The following PMEPA1 variants were observed in gnomAD, a reference collection of about 807,000 sequenced individuals.
PMEPA1 encodes prostate transmembrane protein, androgen induced 1.
PMEPA1 carries 11 observed loss-of-function variants against 23.0 expected under a neutral mutation model. That is an observed-to-expected ratio of 0.48 (90% CI 0.30 to 0.79). The LOEUF is 0.79. PMEPA1 is among the 30% of genes least tolerant of loss of function. The pLI, the probability that PMEPA1 is intolerant of heterozygous loss-of-function variation, is 0.06. For synonymous variants in PMEPA1, 204 were observed against 166.4 expected (o/e 1.23, Z -1.74); for missense variants, 377 against 390.9 (o/e 0.96, Z 0.30).
chr20:57,665,496 A>C, intron 1 of PMEPA1, among the ~76,000 whole-genome samples: 1 of 143,222 alleles, frequency 7.0e-6, no homozygotes, highest in African/African-American at 2.7e-5. Context: ...AGAGGAAGTT[A>C]CCTCATCTGT....
intron 1 of PMEPA1, chr20:57,700,329 T>G: frequency 2.8e-6 from 1 of 351,024 alleles, no homozygotes; most frequent in Non-Finnish European, 5.7e-6. Flanking sequence ...TTTATTGATC[T>G]ATTTGGTGCC....
intron 2 of PMEPA1, among the ~76,000 whole-genome samples, chr20:57,657,891 G>A (rs538358522): frequency 5.8e-4 from 89 of 152,262 alleles, no homozygotes; most frequent in African/African-American, 2.0e-3. Context: ...GTGAGCCCCG[G>A]CTCAGAGACG....
chr20:57,659,053 G>A (rs1182926948), intron 2 of PMEPA1, among the ~76,000 whole-genome samples: 2 of 152,176 alleles, frequency 1.3e-5, no homozygotes, highest in Non-Finnish European at 2.9e-5. Flanking sequence ...GGGTCAAGAC[G>A]GGGGTCAGCT....
chr20:57,649,018 G>A lies in PMEPA1; in HGVS notation c.*3035C>T, dbSNP rs1460614045. ...AATTTGTGAAATCTGTGTAGAACCG[G>A]GCTTTGCAGGGGAGATAATTTTCCT... On this transcript the variant is annotated 3_prime_UTR_variant, in exon 4 of 4. Coordinates refer to ENST00000341744, the MANE Select transcript of PMEPA1 (RefSeq NM_020182.5). 4 of 152,060 alleles carry A rather than the reference G, an allele frequency of 2.6e-5. No homozygotes were observed. Among genetic ancestry groups the A allele is most frequent in the Non-Finnish European group, 5.9e-5 (4 of 68,014 alleles). The allele number at this position is 152,060 out of a possible 1,614,324, so 9.4% of individuals were successfully genotyped here.
chr20:57,699,443 G>C (rs2146708641), intron 1 of PMEPA1, among the ~76,000 whole-genome samples: 1 of 152,362 alleles, frequency 6.6e-6, no homozygotes, highest in East Asian at 1.9e-4. Flanking sequence ...GCCAAGATCA[G>C]GGAGAGTAAG....
At chr20:57,688,065 C>T (rs2071825082) in intron 1 of PMEPA1, among the ~76,000 whole-genome samples, 3 of 152,222 alleles carry the variant, frequency 2.0e-5, no homozygotes, top group Non-Finnish European at 4.4e-5. Context: ...GCTACCTCTG[C>T]CCTCATCTCG....
intron 2 of PMEPA1, among the ~76,000 whole-genome samples, chr20:57,658,601 T>G (rs2071360487): frequency 6.6e-6 from 1 of 152,150 alleles, no homozygotes; most frequent in South Asian, 2.1e-4. Flanking sequence ...GCCCTGAATC[T>G]CTGGGGAGGT....
At chr20:57,653,905 T>C (rs548573346) in intron 2 of PMEPA1, among the ~76,000 whole-genome samples, 26 of 152,252 alleles carry the variant, frequency 1.7e-4, no homozygotes, top group African/African-American at 6.3e-4. Context: ...TTCTTTACAG[T>C]CTTTCTCTCC....
At chr20:57,663,224 G>A (rs1039783806) in intron 1 of PMEPA1, among the ~76,000 whole-genome samples, 1 of 152,220 alleles carries the variant, frequency 6.6e-6, no homozygotes, top group Non-Finnish European at 1.5e-5. Context: ...GCTAGACTTG[G>A]TGAGCCAAGG....
At chr20:57,701,821 G>A (rs1410601315) in intron 1 of PMEPA1, among the ~76,000 whole-genome samples, 3 of 152,122 alleles carry the variant, frequency 2.0e-5, no homozygotes, top group Admixed American at 1.3e-4. Context: ...AAGTTCACCT[G>A]CCCACTTCCT....
intron 1 of PMEPA1, among the ~76,000 whole-genome samples, chr20:57,660,059 G>A (rs1033157725): frequency 3.3e-5 from 5 of 152,164 alleles, no homozygotes; most frequent in Non-Finnish European, 7.4e-5. Flanking sequence ...GATGCACAGC[G>A]TGAGCTGACT....
chr20:57,663,523 C>T lies in PMEPA1; in HGVS notation c.110-3826G>A, dbSNP rs144563692. Among the ~76,000 whole-genome samples, 163 of 152,320 alleles carry T rather than the reference C, an allele frequency of 1.1e-3. 1 individual carries two copies. Among genetic ancestry groups the T allele is most frequent in the African/African-American group, 3.7e-3 (152 of 41,578 alleles). On this transcript the variant is annotated intron_variant, in intron 1 of 3. Transcript: ENST00000341744. ...GGACCCAGACACGGGATGCTCAATT[C>T]CATCCTGGCTCCACCAGAACAAGGG...
At chr20:57,688,991 C>T (rs1273531028) in intron 1 of PMEPA1, among the ~76,000 whole-genome samples, 6 of 152,354 alleles carry the variant, frequency 3.9e-5, no homozygotes, top group African/African-American at 1.4e-4. Context: ...CTTCGATCCC[C>T]GCTGGCAGCC....
In PMEPA1 at chr20:57,659,674, T is replaced by C. The variant is rs1288161432; in HGVS notation, c.133A>G (p.Ile45Val). 1.3e-6 allele frequency: 2 copies of C among 1,592,966 alleles called. No individual in the cohort carries two copies. Among genetic ancestry groups the C allele is most frequent in the Non-Finnish European group, 1.7e-6 (2 of 1,169,720 alleles). Reference protein sequence around the residue: ...EITELEFVQIIIIVVVMMVMV... With the variant: ...EITELEFVQIVIIVVVMMVMV... ...ACCATCATCACCACCACGATGATGA[T>C]GATCTGAACAAACTCCAGCTCCGCT... Residue 45 changes from isoleucine (I) to valine (V), a missense_variant, in exon 2 of 4, where the codon ATC (isoleucine) becomes GTC (valine). Ile to Val is a conservative substitution (Grantham distance 29). Coordinates refer to ENST00000341744, the MANE Select transcript of PMEPA1 (RefSeq NM_020182.5).
chr20:57,698,539 AAAG>A (rs1236407336), intron 1 of PMEPA1, among the ~76,000 whole-genome samples: 1 of 152,250 alleles, frequency 6.6e-6, no homozygotes, highest in African/African-American at 2.4e-5. Context: ...AGAAAAGAAC[AAAG>A]AAATTACTCA....
chr20:57,708,326 G>A (rs1261033335), intron 1 of PMEPA1, among the ~76,000 whole-genome samples: 1 of 152,224 alleles, frequency 6.6e-6, no homozygotes, highest in Non-Finnish European at 1.5e-5. Flanking sequence ...GCTCAGGGAA[G>A]CAAAAGGTCC....
chr20:57,710,298 C>G, upstream of PMEPA1: 1 of 746,644 alleles, frequency 1.3e-6, no homozygotes, highest in South Asian at 2.7e-5. Context: ...CGGTGCCAGC[C>G]GCACCCGGGC....
rs148250468 is a variant in PMEPA1, at chr20:57,683,428, T to C, written c.110-23731A>G. Among the ~76,000 whole-genome samples the C allele has an allele frequency of 1.7e-3, 265 of 152,132 alleles. 1 individual carries two copies. Among genetic ancestry groups the C allele is most frequent in the African/African-American group, 6.2e-3 (258 of 41,506 alleles). On this transcript the variant is annotated intron_variant, in intron 1 of 3. Coordinates refer to ENST00000341744, the MANE Select transcript of PMEPA1 (RefSeq NM_020182.5). This position sits in a 1 kb window ranked among gnomAD's most constrained non-coding sequence, Gnocchi z 4.3. The stretch of plus-strand genomic sequence containing the variant: ...GCAGACGCATCTGCCAGCCTGAGGA[T>C]CCAATATTTAATAGCCCATCCTTCA...
intron 2 of PMEPA1, among the ~76,000 whole-genome samples, chr20:57,658,931 T>C (rs1359051257): frequency 2.0e-5 from 3 of 152,220 alleles, no homozygotes; most frequent in South Asian, 2.1e-4. Flanking sequence ...CATCCTGTTG[T>C]GTCAGGCCTC....
Sources: allele counts gnomAD v4.1 joint callset (sites outside exome capture counted in the v4.1 genomes callset), GRCh38; gene constraint gnomAD v4.1.1; non-coding constraint Gnocchi (gnomAD v3.1); transcripts MANE v1.5; gene names NCBI Gene and HGNC (gene_info 2026-07-23, HGNC 2026-07-21).